Variants in SHISA6 observed in about 807,000 individuals in gnomAD.
SHISA6 encodes shisa family member 6.
In SHISA6, 22 loss-of-function variants were observed where a neutral mutation model predicts 47.9. The ratio of observed to expected loss-of-function variants is 0.46; its 90% CI spans 0.33 to 0.66. The LOEUF is 0.66. Ranked by LOEUF, SHISA6 falls within the 30% of genes least tolerant of loss-of-function variation. The probability of loss-of-function intolerance (pLI) is 0.02; values close to 1 mark genes in which losing one functional copy is unlikely to be tolerated. For missense variants in SHISA6, 680 were observed against 764.6 expected (o/e 0.89, Z 1.30); for synonymous variants, 388 against 337.8 (o/e 1.15, Z -1.63).
intron 4 of SHISA6, 65 bp from the exon 5 acceptor site, chr17:11,555,674 GC>G (rs1345402693): frequency 6.9e-7 from 1 of 1,448,706 alleles, no homozygotes. Flanking sequence ...CAGGGGTGAG[GC>G]AGAAAGCACA....
chr17:11,393,193 C>T (rs1482342091), intron 3 of SHISA6, among the ~76,000 whole-genome samples: 2 of 152,194 alleles, frequency 1.3e-5, no homozygotes, highest in East Asian at 1.9e-4. Flanking sequence ...TAGTGTTCCC[C>T]ACCTTGGTAA....
At chr17:11,486,886 C>T (rs1012779908) in intron 3 of SHISA6, among the ~76,000 whole-genome samples, 1 of 152,230 alleles carries the variant, frequency 6.6e-6, no homozygotes, top group Non-Finnish European at 1.5e-5. Flanking sequence ...TAAACCAGCT[C>T]ACTCAGCACA....
At chr17:11,323,609 G>A (rs9898287) in intron 2 of SHISA6, among the ~76,000 whole-genome samples, 3,707 of 151,930 alleles carry the variant, frequency 0.024, 155 homozygotes, top group African/African-American at 0.084. Flanking sequence ...AGCCGAGATC[G>A]CGCCATTGCA....
At chr17:11,411,765 T>C (rs1914126569) in intron 3 of SHISA6, among the ~76,000 whole-genome samples, 1 of 152,164 alleles carries the variant, frequency 6.6e-6, no homozygotes, top group South Asian at 2.1e-4. Flanking sequence ...AACCTCTGCA[T>C]GTTAGGGAGC....
chr17:11,360,722 A>C (rs1344028618), intron 2 of SHISA6, among the ~76,000 whole-genome samples: 2 of 151,956 alleles, frequency 1.3e-5, no homozygotes, highest in East Asian at 1.9e-4. Flanking sequence ...AGGTGCAGCA[A>C]ATCACCATGG....
intron 3 of SHISA6, among the ~76,000 whole-genome samples, chr17:11,403,971 G>T (rs1439003070): frequency 6.6e-6 from 1 of 152,104 alleles, no homozygotes; most frequent in African/African-American, 2.4e-5. Context: ...AGGGCCCTGA[G>T]GCCACACCCC....
intron 2 of SHISA6, among the ~76,000 whole-genome samples, chr17:11,304,753 C>T (rs540999037): frequency 1.3e-5 from 2 of 152,136 alleles, no homozygotes; most frequent in South Asian, 2.1e-4. Context: ...CACTTCAAGC[C>T]GGAGTGTAGG....
intron 2 of SHISA6, among the ~76,000 whole-genome samples, chr17:11,265,013 A>G (rs978972405): frequency 2.6e-5 from 4 of 152,216 alleles, no homozygotes; most frequent in Non-Finnish European, 4.4e-5. Flanking sequence ...AATGTCTAAG[A>G]TGCATTTTCA....
intron 2 of SHISA6, among the ~76,000 whole-genome samples, chr17:11,314,511 A>G (rs1010866149): frequency 2.7e-5 from 4 of 150,892 alleles, no homozygotes; most frequent in African/African-American, 9.7e-5. Context: ...CTTTTACGTC[A>G]TTCCATACTG....
intron 1 of SHISA6, among the ~76,000 whole-genome samples, chr17:11,262,411 G>T (rs560568189): frequency 6.6e-6 from 1 of 152,304 alleles, no homozygotes; most frequent in Non-Finnish European, 1.5e-5. Flanking sequence ...CAGTATCCAG[G>T]TGTAGTTTCT....
chr17:11,333,220 C>T (rs894696474), intron 2 of SHISA6, among the ~76,000 whole-genome samples: 4 of 152,172 alleles, frequency 2.6e-5, no homozygotes, highest in African/African-American at 9.7e-5. Context: ...GAGAGGGAAC[C>T]TGCCAGAGCC....
intron 2 of SHISA6, 80 bp downstream of exon 2, chr17:11,263,606 T>C (rs1597428734): frequency 7.3e-6 from 11 of 1,499,056 alleles, no homozygotes; most frequent in Non-Finnish European, 9.9e-6. Flanking sequence ...GTGGGGCAGG[T>C]TGTGGACCAT....
At chr17:11,418,229 G>A (rs888123473) in intron 3 of SHISA6, among the ~76,000 whole-genome samples, 2 of 152,106 alleles carry the variant, frequency 1.3e-5, no homozygotes, top group African/African-American at 4.8e-5. Context: ...TGGTGTCCAA[G>A]TTTTGATGGT....
chr17:11,422,796 G>A (rs1469077320), intron 3 of SHISA6, among the ~76,000 whole-genome samples: 1 of 150,802 alleles, frequency 6.6e-6, no homozygotes, highest in African/African-American at 2.4e-5. Context: ...TCCAGGCCAG[G>A]AGATCTTCAC....
At chr17:11,472,886 A>G (rs1915965671) in intron 3 of SHISA6, among the ~76,000 whole-genome samples, 1 of 152,054 alleles carries the variant, frequency 6.6e-6, no homozygotes. Context: ...CATTGTCTTG[A>G]TTTGCATTTT....
In SHISA6 at chr17:11,241,646, G is replaced by A; in HGVS notation, c.224G>A (p.Gly75Glu). The A allele has an allele frequency of 7.1e-7, 1 of 1,412,920 alleles. No individual in the cohort carries two copies. Among genetic ancestry groups the A allele is most frequent in the Non-Finnish European group, 9.2e-7 (1 of 1,091,616 alleles). 87.5% of individuals were successfully genotyped at this position (1,412,920 alleles called of 1,614,324 possible). A position where few individuals can be genotyped will look rare whatever the true frequency, so the allele number is the denominator to read the frequency against. ...PGIPEAGSRR[G>E]QPAAAVAAAA... ...ATCCCGGAGGCGGGAAGCCGGCGGG[G>A]GCAGCCCGCGGCGGCTGTGGCGGCG... is the stretch of plus-strand genomic sequence containing the variant. The change falls in exon 1 of 6, where the codon GGG (glycine) becomes GAG (glutamate). Residue 75 changes from glycine (G) to glutamate (E), a missense_variant. By Grantham distance (98) the Gly-to-Glu change is moderately conservative (BLOSUM62 -2). Around this residue, in one of 2 missense-constraint regions of SHISA6, gnomAD observed 559 missense variants for 674.1 expected, o/e 0.83. Coordinates refer to ENST00000441885, the MANE Select transcript of SHISA6 (RefSeq NM_207386.4). The surrounding 1 kb of genome is among the most constrained non-coding windows in gnomAD (Gnocchi z 5.5).
chr17:11,282,349 T>C (rs1909150538), intron 2 of SHISA6, among the ~76,000 whole-genome samples: 1 of 151,884 alleles, frequency 6.6e-6, no homozygotes, highest in South Asian at 2.1e-4. Flanking sequence ...CCATAGAAGG[T>C]AGGGAAGGGG....
chr17:11,424,996 T>C (rs1470091402), intron 3 of SHISA6, among the ~76,000 whole-genome samples: 7 of 106,518 alleles, frequency 6.6e-5, no homozygotes, highest in African/African-American at 2.8e-4. Flanking sequence ...GACAGAGTGA[T>C]ACTCCGTCTC....
intron 3 of SHISA6, among the ~76,000 whole-genome samples, chr17:11,529,468 T>C (rs2071714751): frequency 6.6e-6 from 1 of 152,132 alleles, no homozygotes; most frequent in Admixed American, 6.5e-5. Context: ...TCTTATCTCA[T>C]GATGTAAAAC....
Sources: allele counts gnomAD v4.1 joint callset (sites outside exome capture counted in the v4.1 genomes callset), GRCh38; gene constraint gnomAD v4.1.1; regional missense constraint gnomAD v4.1.1; non-coding constraint Gnocchi (gnomAD v3.1); transcripts MANE v1.5; gene names NCBI Gene and HGNC (gene_info 2026-07-23, HGNC 2026-07-21).